The following ZBBX variants were observed in gnomAD, a reference collection of about 807,000 sequenced individuals.
ZBBX encodes the protein zinc finger B-box domain-containing protein 1.
In ZBBX, 101 loss-of-function variants were observed where a neutral mutation model predicts 108.5. That is an observed-to-expected ratio of 0.93 (90% CI 0.79 to 1.10). ZBBX has a LOEUF of 1.10. ZBBX is among the 50% of genes least tolerant of loss of function. ZBBX has a pLI of 0.00. For synonymous variants in ZBBX, 356 were observed against 323.4 expected, an observed-to-expected ratio of 1.10 and a Z score of -1.08; for missense variants, 1,009 against 941.4, an observed-to-expected ratio of 1.07 and a Z score of -0.94.
chr3:167,275,566 C>T (rs1377901321), intron 20 of ZBBX, among the ~76,000 whole-genome samples: 2 of 152,218 alleles, frequency 1.3e-5, no homozygotes, highest in Non-Finnish European at 2.9e-5. Flanking sequence ...CTGCGCTTTT[C>T]CAACGGGCTT....
chr3:167,385,088 A>T (rs537580207), upstream of ZBBX, among the ~76,000 whole-genome samples: 9 of 152,120 alleles, frequency 5.9e-5, no homozygotes, highest in Non-Finnish European at 1.0e-4. Context: ...TAATACAATC[A>T]TGTGTCTCTT....
At chr3:167,251,310 G>T (rs1254136498) in intron 20 of ZBBX, among the ~76,000 whole-genome samples, 2 of 152,238 alleles carry the variant, frequency 1.3e-5, no homozygotes, top group Non-Finnish European at 2.9e-5. Flanking sequence ...CTCCATCCTT[G>T]TGACAAGGTA....
chr3:167,219,854 C>T, the ZBBX span, among the ~76,000 whole-genome samples: 2 of 151,850 alleles, frequency 1.3e-5, no homozygotes, highest in Admixed American at 6.6e-5. Context: ...AATCAATAAA[C>T]CTTTATCCAG....
intron 20 of ZBBX, among the ~76,000 whole-genome samples, chr3:167,258,605 C>T (rs115290949): frequency 0.014 from 2,122 of 152,078 alleles, 26 homozygotes; most frequent in South Asian, 0.026. Flanking sequence ...GAAATGCTTT[C>T]AACTTTTCCC....
intron 10 of ZBBX, among the ~76,000 whole-genome samples, chr3:167,333,123 T>G (rs530496648): frequency 6.6e-6 from 1 of 151,950 alleles, no homozygotes; most frequent in African/African-American, 2.4e-5. Context: ...TTCTTTTATG[T>G]CTATGAGCAT....
intron 8 of ZBBX, among the ~76,000 whole-genome samples, chr3:167,357,507 T>C (rs189245963): frequency 1.1e-4 from 16 of 152,188 alleles, no homozygotes; most frequent in Non-Finnish European, 2.1e-4. Context: ...GTTCTAGGTA[T>C]ACACCCAAAA....
chr3:167,253,568 C>T (rs1371897985), intron 20 of ZBBX, among the ~76,000 whole-genome samples: 3 of 152,122 alleles, frequency 2.0e-5, no homozygotes, highest in African/African-American at 7.2e-5. Flanking sequence ...CAGTCCTATC[C>T]TCCTCCCCAT....
chr3:167,241,013 C>G, intron 21 of ZBBX, 94 bp from the exon 22 acceptor site: 1 of 1,433,868 alleles, frequency 7.0e-7, no homozygotes, highest in African/African-American at 1.4e-5. Context: ...GTTGGAGTTG[C>G]TGGAGGCAAG....
chr3:167,327,803 A>C, intron 11 of ZBBX, 139 bp downstream of exon 11: 1 of 837,132 alleles, frequency 1.2e-6, no homozygotes, highest in Non-Finnish European at 1.8e-6. Flanking sequence ...AATCCCAGCT[A>C]CTCAGAAGGC....
the ZBBX span, among the ~76,000 whole-genome samples, chr3:167,234,352 T>C: frequency 1.3e-5 from 2 of 151,874 alleles, no homozygotes; most frequent in African/African-American, 2.4e-5. Context: ...ACACAGTGCA[T>C]TGAAAATCTT....
intron 20 of ZBBX, among the ~76,000 whole-genome samples, chr3:167,274,741 A>T (rs1179522269): frequency 6.6e-6 from 1 of 152,136 alleles, no homozygotes; most frequent in Non-Finnish European, 1.5e-5. Context: ...CCACCACTGT[A>T]CCTCACGTCC....
In ZBBX at chr3:167,239,963, G is replaced by A. The variant is rs1720411003; in HGVS notation, c.*830C>T. Among the ~76,000 whole-genome samples the A allele has an allele frequency of 6.6e-6, 1 of 152,136 alleles. No individual in the cohort carries two copies. The highest frequency in any genetic ancestry group is 1.5e-5 in the Non-Finnish European group (1 of 68,012). ...TCTTCAAGTGGAGCAGCAAAGAGAAGTCCTGAGCAAAAGGGGGGACAGCCC... is the reference window on the plus strand; with the variant it reads ...TCTTCAAGTGGAGCAGCAAAGAGAAATCCTGAGCAAAAGGGGGGACAGCCC... On this transcript the variant is annotated 3_prime_UTR_variant, in exon 22 of 22. Coordinates refer to ENST00000675490, the MANE Select transcript of ZBBX (RefSeq NM_001199201.2).
chr3:167,222,426 G>A, the ZBBX span, among the ~76,000 whole-genome samples: 5 of 151,800 alleles, frequency 3.3e-5, no homozygotes, highest in Non-Finnish European at 7.4e-5. Flanking sequence ...GTAGTGGAGG[G>A]TAGGAGGTGG....
chr3:167,342,884 G>GTACATAT (rs1458157453), intron 9 of ZBBX, among the ~76,000 whole-genome samples: 1 of 151,204 alleles, frequency 6.6e-6, no homozygotes, highest in African/African-American at 2.4e-5. Context: ...TGATATAATG[G>GTACATAT]GTATATGTAC....
At chr3:167,178,556 G>C in the ZBBX span, among the ~76,000 whole-genome samples, 1 of 152,114 alleles carries the variant, frequency 6.6e-6, no homozygotes, top group Non-Finnish European at 1.5e-5. Flanking sequence ...GCAACTGGGG[G>C]ATCCTCAGGT....
At chr3:167,296,241 G>A (rs144733066) in intron 18 of ZBBX, among the ~76,000 whole-genome samples, 1 of 151,940 alleles carries the variant, frequency 6.6e-6, no homozygotes, top group South Asian at 2.1e-4. Context: ...AGGAATAAAA[G>A]GGAAATGCCT....
chr3:167,307,125 T>C (rs553549823), intron 16 of ZBBX, among the ~76,000 whole-genome samples: 2 of 152,110 alleles, frequency 1.3e-5, no homozygotes, highest in Non-Finnish European at 2.9e-5. Flanking sequence ...TGAAGGAATA[T>C]ATCTCAAAAT....
chr3:167,242,761 G>C (rs1418627717), intron 20 of ZBBX, 118 bp from the exon 21 acceptor site: 1 of 911,852 alleles, frequency 1.1e-6, no homozygotes, highest in African/African-American at 1.7e-5. Flanking sequence ...GGTCAGCATA[G>C]ATTTTTAATT....
chr3:167,340,006 T>C (rs4368502), intron 9 of ZBBX, among the ~76,000 whole-genome samples: 32,607 of 152,028 alleles, frequency 0.21, 4,393 homozygotes, highest in South Asian at 0.31. Context: ...CAGCAACACA[T>C]GTATACTGAA....
Sources: allele counts gnomAD v4.1 joint callset (sites outside exome capture counted in the v4.1 genomes callset), GRCh38; gene constraint gnomAD v4.1.1; transcripts MANE v1.5; gene names NCBI Gene and HGNC (gene_info 2026-07-23, HGNC 2026-07-21).